Variants in TCF3 observed in about 807,000 individuals in gnomAD.
TCF3 encodes transcription factor E2-alpha.
In TCF3, 54 loss-of-function variants were observed where a neutral mutation model predicts 72.3. That is an observed-to-expected ratio of 0.75 (90% CI 0.60 to 0.94). The LOEUF is 0.94. Ranked by LOEUF, TCF3 falls within the 40% of genes least tolerant of loss-of-function variation. The pLI is 0.00. For synonymous variants in TCF3, 525 were observed against 412.6 expected, an observed-to-expected ratio of 1.27 and a Z score of -3.30; for missense variants, 1,078 against 934.4, an observed-to-expected ratio of 1.15 and a Z score of -2.00.
intron 3 of TCF3, among the ~76,000 whole-genome samples, chr19:1,642,205 C>T (rs1233452172): frequency 2.6e-5 from 4 of 151,816 alleles, no homozygotes; most frequent in East Asian, 3.9e-4. Context: ...GACGCAGACA[C>T]GCACACACGC....
At chr19:1,636,985 G>A (rs1779161454) in intron 3 of TCF3, among the ~76,000 whole-genome samples, 1 of 152,136 alleles carries the variant, frequency 6.6e-6, no homozygotes, top group Non-Finnish European at 1.5e-5. Context: ...TAAAGTGGCA[G>A]GACGTGCCCT....
intron 8 of TCF3, among the ~76,000 whole-genome samples, chr19:1,623,442 G>A (rs556251841): frequency 4.8e-4 from 71 of 149,468 alleles, no homozygotes; most frequent in African/African-American, 1.6e-3. Flanking sequence ...GGAGGGCAGC[G>A]GCATGATCTT....
chr19:1,611,406 A>C lies in TCF3; in HGVS notation c.*301T>G. 1 of 404,676 alleles carries C rather than the reference A, an allele frequency of 2.5e-6. No individual in the cohort carries two copies. Among genetic ancestry groups the C allele is most frequent in the Non-Finnish European group, 4.3e-6 (1 of 230,106 alleles). The allele number at this position is 404,676 out of a possible 1,614,324, so 25.1% of individuals were successfully genotyped here. ...AAAAATGCTCCTGTCAGCCCAGGCA[A>C]CAGGGCCAAGATGCAGTTTCAGGAT... is the stretch of plus-strand genomic sequence containing the variant. On this transcript the variant is annotated 3_prime_UTR_variant, in exon 19 of 19. Coordinates refer to ENST00000262965, the MANE Select transcript of TCF3 (RefSeq NM_003200.5).
chr19:1,630,018 G>A (rs2353219), intron 5 of TCF3, among the ~76,000 whole-genome samples: 10,926 of 152,092 alleles, frequency 0.072, 511 homozygotes, highest in African/African-American at 0.12. Context: ...AAAGCCCCCC[G>A]TGCCTCCCCG....
chr19:1,632,043 A>T lies in TCF3; in HGVS notation c.293T>A (p.Leu98His), dbSNP rs1309952118. ...LSSSTFLGPG[L>H]GGKSGERGAY... ...GCACCAGGCCAGGCACTCACCTCCG[A>T]GTCCCGGTCCCAGGAATGTGGATGA... is the stretch of plus-strand genomic sequence containing the variant. Residue 98 changes from leucine to histidine, a missense_variant, in exon 5 of 19, where the codon CTC (leucine) becomes CAC (histidine). By Grantham distance (99) the Leu-to-His change is moderately conservative (BLOSUM62 -3). Coordinates refer to ENST00000262965, the MANE Select transcript of TCF3 (RefSeq NM_003200.5). 1 of 1,613,098 alleles carries T rather than the reference A, an allele frequency of 6.2e-7. No homozygotes were observed. Among genetic ancestry groups the T allele is most frequent in the Non-Finnish European group, 8.5e-7 (1 of 1,179,654 alleles).
chr19:1,647,012 G>A (rs923157242), intron 2 of TCF3, among the ~76,000 whole-genome samples: 7 of 152,288 alleles, frequency 4.6e-5, no homozygotes, highest in South Asian at 4.1e-4. Flanking sequence ...CTTGGCAAAA[G>A]GGGAAGCCGA....
chr19:1,650,489 C>T (rs572680363), intron 1 of TCF3: 8 of 518,636 alleles, frequency 1.5e-5, no homozygotes, highest in Non-Finnish European at 2.7e-5. Flanking sequence ...TAGGTCCCTG[C>T]AGAGTCCTCC....
rs775317848 is a variant in TCF3, at chr19:1,650,209, T to C, written c.40A>G (p.Lys14Glu). 1.3e-6 allele frequency: 2 copies of C among 1,573,740 alleles called. No individual in the cohort carries two copies. Among genetic ancestry groups the C allele is most frequent in the South Asian group, 2.3e-5 (2 of 85,580 alleles). The change falls in exon 2 of 19, where the codon AAG becomes GAG. Residue 14 changes from lysine to glutamate, a missense_variant. By Grantham distance (56) the Lys-to-Glu change is moderately conservative. Transcript: ENST00000262965. ...AAGTCCAGGAGGTCACTGAGCTCCT[T>C]GTCTGTGCCCACAGGCGCCATCCTC... is the stretch of plus-strand genomic sequence containing the variant. Reference protein sequence around the residue: ...PQRMAPVGTDKELSDLLDFSM... With the variant: ...PQRMAPVGTDEELSDLLDFSM...
At chr19:1,612,792 G>A (rs569598203) in intron 18 of TCF3, among the ~76,000 whole-genome samples, 1 of 151,876 alleles carries the variant, frequency 6.6e-6, no homozygotes, top group African/African-American at 2.4e-5. Flanking sequence ...GGCTGGTGTT[G>A]GTGTGGGCAG....
rs931090473 is a variant in TCF3, at chr19:1,615,098, G to A, written c.1822+187C>T. ...GATGCTGAGGCAGGCAGGGAGAAGG[G>A]CTGGCAGTCAGGAGTGGACAGTCAT... is the stretch of plus-strand genomic sequence containing the variant. On this transcript the variant is annotated intron_variant, in intron 18 of 18. Coordinates refer to ENST00000262965, the MANE Select transcript of TCF3 (RefSeq NM_003200.5). The surrounding 1 kb of genome is among the most constrained non-coding windows in gnomAD (Gnocchi z 7.3). Among the ~76,000 whole-genome samples the A allele has an allele frequency of 6.6e-6, 1 of 152,192 alleles. No homozygotes were observed. Among genetic ancestry groups the A allele is most frequent in the Admixed American group, 6.5e-5 (1 of 15,286 alleles).
chr19:1,640,573 C>T (rs2145335163), intron 3 of TCF3, among the ~76,000 whole-genome samples: 1 of 152,294 alleles, frequency 6.6e-6, no homozygotes, highest in Admixed American at 6.5e-5. Flanking sequence ...AATCCCAGCA[C>T]TTCGGGAGGC....
intron 7 of TCF3, among the ~76,000 whole-genome samples, chr19:1,625,240 G>C (rs1322383423): frequency 6.6e-6 from 1 of 152,232 alleles, no homozygotes; most frequent in Non-Finnish European, 1.5e-5. Context: ...GGATGCCCGC[G>C]TGTGCAGCAG....
chr19:1,613,965 G>C (rs929829364), intron 18 of TCF3, among the ~76,000 whole-genome samples: 2 of 152,252 alleles, frequency 1.3e-5, no homozygotes, highest in African/African-American at 4.8e-5. Context: ...CTGGCGAGCG[G>C]GCACTGTTGC....
chr19:1,613,756 C>T (rs1046521228), intron 18 of TCF3, among the ~76,000 whole-genome samples: 3 of 152,126 alleles, frequency 2.0e-5, no homozygotes, highest in Non-Finnish European at 2.9e-5. Context: ...GCACCCGTCC[C>T]CTACAGTGAA....
At position 1,615,752 on chromosome 19, in the gene TCF3, T is replaced by C. The variant is rs780359484; in HGVS notation, c.1520A>G (p.Asn507Ser). The C allele has an allele frequency of 6.2e-7, 1 of 1,608,956 alleles. No homozygotes were observed. The change falls in exon 17 of 19, where the codon AAC becomes AGC. Residue 507 changes from asparagine (N) to serine (S), a missense_variant. Physicochemically the swap from Asn to Ser is conservative, Grantham distance 46. Coordinates refer to ENST00000262965, the MANE Select transcript of TCF3 (RefSeq NM_003200.5). This position sits in a 1 kb window ranked among gnomAD's most constrained non-coding sequence, Gnocchi z 7.3. ...IKREEKEDEE[N>S]TSAADHSEEE... ...CTCCGAGTGGTCAGCCGCTGACGTGTTCTCCTCGTCCTCCTTCTCCTCCCG... is the reference window on the plus strand; with the variant it reads ...CTCCGAGTGGTCAGCCGCTGACGTGCTCTCCTCGTCCTCCTTCTCCTCCCG...
chr19:1,627,225 A>G, intron 6 of TCF3, 134 bp downstream of exon 6: 1 of 74,266 alleles, frequency 1.3e-5, no homozygotes, highest in Admixed American at 1.8e-4. Flanking sequence ...ACCCTGGCCC[A>G]AGCCCAGCCT....
At position 1,620,069 on chromosome 19, in the gene TCF3, G is replaced by A. The variant is rs1005362249; in HGVS notation, c.1094-216C>T. On this transcript the variant is annotated intron_variant, in intron 13 of 18. Coordinates refer to ENST00000262965, the MANE Select transcript of TCF3 (RefSeq NM_003200.5). ...TGGGTACTGCCATTCCTATCTCTGA[G>A]CCTCAGTTTCCCCATCTACAAAATC... Among the ~76,000 whole-genome samples the A allele has an allele frequency of 3.3e-5, 5 of 152,278 alleles. No homozygotes were observed. In the South Asian group the frequency reaches 6.2e-4, roughly 19 times the overall value.
intron 18 of TCF3, 47 bp from the exon 19 acceptor site, chr19:1,611,896 G>GC: frequency 7.8e-7 from 1 of 1,280,306 alleles, no homozygotes; most frequent in Non-Finnish European, 1.0e-6. Flanking sequence ...CCAGGGAGGA[G>GC]AAAGATGTGA....
intron 5 of TCF3, among the ~76,000 whole-genome samples, chr19:1,629,299 G>C (rs1383846313): frequency 6.6e-6 from 1 of 152,076 alleles, no homozygotes; most frequent in African/African-American, 2.4e-5. Flanking sequence ...CCCGGGGCCT[G>C]TGCACACCGC....
Sources: gnomAD v4.1 joint callset for allele counts (sites outside exome capture counted in the v4.1 genomes callset) on GRCh38, gnomAD v4.1.1 for gene constraint, Gnocchi (gnomAD v3.1) non-coding constraint, MANE v1.5 for transcripts, NCBI Gene and HGNC (gene_info 2026-07-23, HGNC 2026-07-21) for gene names.